Variants in SLC39A11 observed in about 807,000 individuals in gnomAD.
The protein encoded by SLC39A11 is solute carrier family 39 member 11.
A neutral mutation model predicts 36.1 loss-of-function variants in SLC39A11; 33 were observed. The ratio of observed to expected loss-of-function variants is 0.91; its 90% CI spans 0.69 to 1.22. SLC39A11 has a LOEUF of 1.22. SLC39A11 is among the 50% of genes most tolerant of loss of function. SLC39A11 has a pLI of 0.00. For synonymous variants in SLC39A11, 166 were observed against 170.3 expected (o/e 0.97, Z 0.20); for missense variants, 432 against 430.3 (o/e 1.00, Z -0.03).
intron 4 of SLC39A11, among the ~76,000 whole-genome samples, chr17:72,985,525 G>A (rs1384944910): frequency 7.0e-6 from 1 of 143,148 alleles, no homozygotes; most frequent in Non-Finnish European, 1.5e-5. Flanking sequence ...CAATTCTCCT[G>A]CCTCAGCCTC....
In SLC39A11 at chr17:72,707,317, T is replaced by A. The variant is rs374037750; in HGVS notation, c.671+29333A>T. Reference sequence around the variant, plus strand: ...TACTTTGGAGGCTGAAGTGAGAGGATCATATGAGCCCAGGAGTTGGCAGTT... The same window carrying A: ...TACTTTGGAGGCTGAAGTGAGAGGAACATATGAGCCCAGGAGTTGGCAGTT... On this transcript the variant is annotated intron_variant, in intron 7 of 9. Transcript: ENST00000255559. Among the ~76,000 whole-genome samples the A allele has an allele frequency of 2.0e-5, 3 of 151,966 alleles. No individual in the cohort carries two copies. In the East Asian group the frequency reaches 5.8e-4, roughly 29 times the overall value.
chr17:73,003,828 A>G (rs998425430), intron 4 of SLC39A11, among the ~76,000 whole-genome samples: 1 of 152,072 alleles, frequency 6.6e-6, no homozygotes, highest in Non-Finnish European at 1.5e-5. Flanking sequence ...GCTCATGCCT[A>G]TAATCTCAGC....
intron 7 of SLC39A11, among the ~76,000 whole-genome samples, chr17:72,708,977 C>T (rs1446968553): frequency 2.0e-5 from 3 of 151,676 alleles, no homozygotes; most frequent in Admixed American, 6.6e-5. Context: ...GCGCTGTTGC[C>T]CAGGCTGGAG....
chr17:72,698,324 C>T (rs1311107174), intron 7 of SLC39A11, among the ~76,000 whole-genome samples: 3 of 151,996 alleles, frequency 2.0e-5, no homozygotes, highest in African/African-American at 4.8e-5. Flanking sequence ...TCTCCAAAAC[C>T]GTTTATTGCA....
intron 6 of SLC39A11, among the ~76,000 whole-genome samples, chr17:72,763,593 A>G (rs2075664692): frequency 6.6e-6 from 1 of 152,240 alleles, no homozygotes; most frequent in African/African-American, 2.4e-5. Flanking sequence ...GCTGTTCACA[A>G]ACTCATCCTC....
chr17:72,815,046 A>G (rs1332822873), intron 6 of SLC39A11, among the ~76,000 whole-genome samples: 1 of 152,218 alleles, frequency 6.6e-6, no homozygotes, highest in Non-Finnish European at 1.5e-5. Flanking sequence ...CATCTTGTCC[A>G]CTGCAGGCTG....
intron 3 of SLC39A11, among the ~76,000 whole-genome samples, chr17:73,036,501 C>A (rs1185122244): frequency 6.6e-6 from 1 of 152,034 alleles, no homozygotes; most frequent in East Asian, 1.9e-4. Context: ...GGCTGGAGTG[C>A]AGTAGCGTAA....
intron 4 of SLC39A11, among the ~76,000 whole-genome samples, chr17:72,979,540 T>C (rs1455439208): frequency 6.6e-6 from 1 of 151,988 alleles, no homozygotes; most frequent in Non-Finnish European, 1.5e-5. Flanking sequence ...CTGGTGAAAG[T>C]GTAAATCAGT....
chr17:72,700,807 C>T (rs922537374), intron 7 of SLC39A11, among the ~76,000 whole-genome samples: 17 of 152,316 alleles, frequency 1.1e-4, no homozygotes, highest in African/African-American at 2.2e-4. Flanking sequence ...GACAGCCAAG[C>T]GAAACGGGTT....
At chr17:72,736,573 C>T in intron 7 of SLC39A11, 77 bp downstream of exon 7, 1 of 1,264,244 alleles carries the variant, frequency 7.9e-7, no homozygotes, top group Non-Finnish European at 1.2e-6. Context: ...GCACAGACAG[C>T]CCACCCAGGT....
chr17:72,655,517 C>T (rs964788257), intron 7 of SLC39A11, among the ~76,000 whole-genome samples: 2 of 152,186 alleles, frequency 1.3e-5, no homozygotes, highest in African/African-American at 2.4e-5. Context: ...TAAGAGTGTG[C>T]GAGGGCGTTG....
At chr17:72,683,883 G>C (rs2071621908) in intron 7 of SLC39A11, among the ~76,000 whole-genome samples, 1 of 151,776 alleles carries the variant, frequency 6.6e-6, no homozygotes, top group Admixed American at 6.6e-5. Flanking sequence ...TTGGCAGTCT[G>C]GCAGCTTGGG....
intron 6 of SLC39A11, among the ~76,000 whole-genome samples, chr17:72,751,323 GAA>G: frequency 1.3e-5 from 2 of 152,218 alleles, no homozygotes; most frequent in Non-Finnish European, 2.9e-5. Context: ...TGAAGGTAAG[GAA>G]AAACAATCCT....
In SLC39A11 at chr17:72,910,843, C is replaced by T. The variant is rs541159605; in HGVS notation, c.430+36909G>A. 6.0e-5 allele frequency among the ~76,000 whole-genome samples: 9 copies of T among 149,486 alleles called. No individual in the cohort carries two copies. The East Asian group carries it at 1.6e-3, about 26-fold the overall frequency. On this transcript the variant is annotated intron_variant, in intron 5 of 9. Transcript: ENST00000255559. ...TCAGGAGGCTGAGGCAGGAGAGTCA[C>T]GTGAACCCAGAAGGCAGAGGTTGCA... is the stretch of plus-strand genomic sequence containing the variant.
chr17:72,955,697 G>A (rs1449758002), intron 4 of SLC39A11, among the ~76,000 whole-genome samples: 1 of 151,812 alleles, frequency 6.6e-6, no homozygotes, highest in Non-Finnish European at 1.5e-5. Context: ...CCCAGCACAC[G>A]GTCTGTGTTC....
intron 3 of SLC39A11, among the ~76,000 whole-genome samples, chr17:73,051,319 T>A (rs1173357835): frequency 6.6e-6 from 1 of 152,136 alleles, no homozygotes; most frequent in Non-Finnish European, 1.5e-5. Context: ...CAGTAACTTG[T>A]TTATATCCAC....
intron 7 of SLC39A11, among the ~76,000 whole-genome samples, chr17:72,654,129 C>G (rs2069994838): frequency 6.6e-6 from 1 of 152,138 alleles, no homozygotes; most frequent in African/African-American, 2.4e-5. Flanking sequence ...AACATGTCTT[C>G]CTAGCCAGTC....
At chr17:72,905,172 C>CAAAAAAAAAAAAAAAAAAAAAA (rs58702930) in intron 5 of SLC39A11, among the ~76,000 whole-genome samples, 1 of 42,902 alleles carries the variant, frequency 2.3e-5, no homozygotes, top group African/African-American at 9.1e-5. Context: ...GACTCCATCT[C>CAAAAAAAAAAAAAAAAAAAAAA]AAAAAAAAAA....
intron 7 of SLC39A11, among the ~76,000 whole-genome samples, chr17:72,728,724 A>G (rs141558603): frequency 6.6e-6 from 1 of 152,258 alleles, no homozygotes; most frequent in East Asian, 1.9e-4. Context: ...GTCATAAACT[A>G]TCTGGCTCAG....
Sources: gnomAD v4.1 joint callset for allele counts (sites outside exome capture counted in the v4.1 genomes callset) on GRCh38, gnomAD v4.1.1 for gene constraint, MANE v1.5 for transcripts, NCBI Gene and HGNC (gene_info 2026-07-23, HGNC 2026-07-21) for gene names.